DACH2: variants seen among roughly 807,000 people sequenced by gnomAD.
The protein encoded by DACH2 is dachshund family transcription factor 2.
A neutral mutation model predicts 35.8 loss-of-function variants in DACH2; 17 were observed. The ratio of observed to expected loss-of-function variants is 0.48; its 90% CI spans 0.33 to 0.71. DACH2 has a LOEUF of 0.71. Ranked by LOEUF, DACH2 falls within the 30% of genes least tolerant of loss-of-function variation. The pLI is 0.02. For synonymous variants in DACH2, 195 were observed against 177.3 expected (o/e 1.10, Z -0.79); for missense variants, 469 against 472.7 (o/e 0.99, Z 0.07).
chrX:86,627,678 A>C (rs2148384514), intron 3 of DACH2, among the ~76,000 whole-genome samples: 1 of 111,935 alleles, frequency 8.9e-6, no homozygotes, highest in African/African-American at 3.2e-5. Flanking sequence ...AAGTCTATTC[A>C]TACATTTATA....
At chrX:86,424,471 T>C (rs2036859012) in intron 2 of DACH2, among the ~76,000 whole-genome samples, 1 of 111,478 alleles carries the variant, frequency 9.0e-6, no homozygotes, top group African/African-American at 3.3e-5. Flanking sequence ...TTTTTATTTT[T>C]TTCACATTGT....
intron 6 of DACH2, among the ~76,000 whole-genome samples, chrX:86,723,909 G>A (rs953278890): frequency 1.8e-5 from 2 of 110,356 alleles, no homozygotes; most frequent in African/African-American, 6.6e-5. Flanking sequence ...TTGATTTAAA[G>A]TCTGTTGTAT....
At chrX:86,608,093 C>A (rs1322579143) in intron 3 of DACH2, among the ~76,000 whole-genome samples, 1 of 109,965 alleles carries the variant, frequency 9.1e-6, no homozygotes, top group Non-Finnish European at 1.9e-5. Context: ...GATTTATAGT[C>A]CTTTGGGTAT....
chrX:86,199,362 AG>A (rs958394845), intron 1 of DACH2, among the ~76,000 whole-genome samples: 5 of 111,321 alleles, frequency 4.5e-5, no homozygotes, highest in Admixed American at 3.8e-4. Context: ...GCACAAGACA[AG>A]GATGCCTCTC....
chrX:86,757,653 T>G (rs184065218), intron 7 of DACH2, among the ~76,000 whole-genome samples: 1 of 111,784 alleles, frequency 8.9e-6, no homozygotes, highest in African/African-American at 3.3e-5. Flanking sequence ...TCCCTTGCTA[T>G]TCTCATAATG....
intron 2 of DACH2, among the ~76,000 whole-genome samples, chrX:86,404,058 G>A (rs766501995): frequency 4.6e-5 from 5 of 109,745 alleles, no homozygotes; most frequent in East Asian, 2.9e-4. Flanking sequence ...AACTACCCCC[G>A]TGATTCAATA....
intron 1 of DACH2, among the ~76,000 whole-genome samples, chrX:86,283,753 C>G (rs2034082778): frequency 9.2e-6 from 1 of 108,738 alleles, no homozygotes; most frequent in South Asian, 4.1e-4. Context: ...TGGGGGATAG[C>G]ATTAGGAGAA....
At chrX:86,249,630 A>G (rs1489649119) in intron 1 of DACH2, among the ~76,000 whole-genome samples, 1 of 111,390 alleles carries the variant, frequency 9.0e-6, no homozygotes, top group Non-Finnish European at 1.9e-5. Context: ...AGCCACTGTG[A>G]AAAGCACTTT....
intron 7 of DACH2, among the ~76,000 whole-genome samples, chrX:86,776,987 T>C (rs1406789957): frequency 4.5e-5 from 5 of 111,894 alleles, no homozygotes; most frequent in African/African-American, 1.6e-4. Flanking sequence ...CAGTCTATCA[T>C]TGTTGGACAT....
At chrX:86,757,365 T>C (rs771396284) in intron 7 of DACH2, among the ~76,000 whole-genome samples, 1 of 111,808 alleles carries the variant, frequency 8.9e-6, no homozygotes, top group South Asian at 3.7e-4. Flanking sequence ...GGTTTTGGTA[T>C]CAGGCTAATG....
intron 1 of DACH2, among the ~76,000 whole-genome samples, chrX:86,231,589 C>T (rs960771582): frequency 8.1e-5 from 9 of 111,368 alleles, no homozygotes; most frequent in Non-Finnish European, 1.7e-4. Flanking sequence ...TCACTCCCAC[C>T]GTGCCACCTG....
intron 1 of DACH2, among the ~76,000 whole-genome samples, chrX:86,361,198 CCTA>C (rs2035734352): frequency 9.0e-6 from 1 of 110,941 alleles, no homozygotes; most frequent in South Asian, 3.7e-4. Flanking sequence ...TGTGTGTAGA[CCTA>C]CTGCTTATCT....
chrX:86,226,337 AG>A (rs1253430732), intron 1 of DACH2, among the ~76,000 whole-genome samples: 2 of 111,750 alleles, frequency 1.8e-5, no homozygotes, highest in Admixed American at 1.9e-4. Context: ...TCAATGCAAA[AG>A]TTTCATGAAT....
chrX:86,555,192 A>G (rs1459072317), intron 3 of DACH2, among the ~76,000 whole-genome samples: 1 of 112,077 alleles, frequency 8.9e-6, no homozygotes, highest in Non-Finnish European at 1.9e-5. Context: ...CAGGATACTT[A>G]TAATGACTTC....
chrX:86,669,132 T>C (rs2040734461), intron 4 of DACH2, among the ~76,000 whole-genome samples: 1 of 111,086 alleles, frequency 9.0e-6, no homozygotes. Flanking sequence ...AGGTCTTAGA[T>C]TTTTTTCTTG....
chrX:86,318,273 A>G (rs756238521), intron 1 of DACH2, among the ~76,000 whole-genome samples: 1 of 111,719 alleles, frequency 9.0e-6, no homozygotes, highest in East Asian at 2.8e-4. Flanking sequence ...AGTTTTCTAT[A>G]GTTCAGTCCA....
Position 86,800,335 on chromosome X carries a change from AG to A in DACH2, c.1241-12520del, listed in dbSNP as rs770411255. ...AGAATATTGAAATAGAAGAAAGTAA[AG>A]TTGAATCAGTCCCCACAAACTAGAA... is the stretch of plus-strand genomic sequence containing the variant. On this transcript the variant is annotated intron_variant, in intron 7 of 11. Coordinates refer to ENST00000373125, the MANE Select transcript of DACH2 (RefSeq NM_053281.3). Among the ~76,000 whole-genome samples, 1,112 of 111,879 alleles carry A rather than the reference AG, an allele frequency of 9.9e-3. 11 individuals carry two copies. The highest frequency in any genetic ancestry group is 0.018 in the Non-Finnish European group (951 of 53,181).
chrX:86,639,373 G>A (rs1237772998), intron 3 of DACH2, among the ~76,000 whole-genome samples: 2 of 111,550 alleles, frequency 1.8e-5, no homozygotes, highest in Admixed American at 9.5e-5. Flanking sequence ...AGTCCACCAG[G>A]ACCTTCAGTC....
At chrX:86,356,586 T>G (rs1261997376) in intron 1 of DACH2, among the ~76,000 whole-genome samples, 2 of 111,813 alleles carry the variant, frequency 1.8e-5, no homozygotes, top group Non-Finnish European at 3.8e-5. Context: ...CTTGATAGCT[T>G]GATAGGAATA....
Sources: gnomAD v4.1 joint callset for allele counts (sites outside exome capture counted in the v4.1 genomes callset) on GRCh38, gnomAD v4.1.1 for gene constraint, MANE v1.5 for transcripts, NCBI Gene and HGNC (gene_info 2026-07-23, HGNC 2026-07-21) for gene names.